The following PBX3 variants were observed in gnomAD, a reference collection of about 807,000 sequenced individuals.
The protein encoded by PBX3 is PBX homeobox 3.
PBX3 carries 14 observed loss-of-function variants against 48.5 expected under a neutral mutation model. That is an observed-to-expected ratio of 0.29 (90% CI 0.19 to 0.45). The LOEUF is 0.45. PBX3 is among the 20% of genes least tolerant of loss of function. The pLI, the probability that PBX3 is intolerant of heterozygous loss-of-function variation, is 1.00. For missense variants in PBX3, 386 were observed against 546.7 expected (o/e 0.71, Z 2.93); for synonymous variants, 210 against 200.3 (o/e 1.05, Z -0.41).
At chr9:125,951,668 C>A (rs560991528) in intron 5 of PBX3, among the ~76,000 whole-genome samples, 2 of 152,128 alleles carry the variant, frequency 1.3e-5, no homozygotes, top group African/African-American at 2.4e-5. Flanking sequence ...TCACAACAGC[C>A]CCATGAGAAG....
intron 5 of PBX3, among the ~76,000 whole-genome samples, chr9:125,959,825 A>C (rs1842388904): frequency 6.6e-6 from 1 of 152,214 alleles, no homozygotes; most frequent in Non-Finnish European, 1.5e-5. Context: ...GTGTGGGTAT[A>C]CTTTCTTATA....
chr9:125,809,428 AT>A (rs58140229), intron 2 of PBX3, among the ~76,000 whole-genome samples: 870 of 136,702 alleles, frequency 6.4e-3, no homozygotes, highest in African/African-American at 0.013. Flanking sequence ...CTCAATGCTG[AT>A]TTTTTTTTTT....
chr9:125,863,069 T>C (rs1839900267), intron 2 of PBX3, among the ~76,000 whole-genome samples: 1 of 151,908 alleles, frequency 6.6e-6, no homozygotes, highest in South Asian at 2.1e-4. Flanking sequence ...AGCTAATTTT[T>C]GTATTTTTTG....
intron 2 of PBX3, among the ~76,000 whole-genome samples, chr9:125,835,933 T>G (rs374289032): frequency 3.9e-5 from 6 of 152,202 alleles, no homozygotes; most frequent in African/African-American, 1.4e-4. Context: ...TAGCAAGATA[T>G]AGAATCAGCC....
At chr9:125,853,013 T>A (rs902740781) in intron 2 of PBX3, among the ~76,000 whole-genome samples, 1 of 152,166 alleles carries the variant, frequency 6.6e-6, no homozygotes, top group Non-Finnish European at 1.5e-5. Flanking sequence ...AATCCATTTC[T>A]CTCTCAGTGT....
chr9:125,795,209 A>G (rs117149532), intron 2 of PBX3, among the ~76,000 whole-genome samples: 62 of 152,250 alleles, frequency 4.1e-4, no homozygotes, highest in Non-Finnish European at 7.8e-4. Context: ...CCAGGTAAAA[A>G]CCTGTGCAGG....
intron 2 of PBX3, 36 bp downstream of exon 2, chr9:125,748,659 C>A (rs369265357): frequency 1.9e-6 from 3 of 1,564,416 alleles, no homozygotes; most frequent in Non-Finnish European, 2.6e-6. Flanking sequence ...CCTGGAGACC[C>A]CCGAGGTGGG....
intron 2 of PBX3, among the ~76,000 whole-genome samples, chr9:125,816,331 C>T (rs991395564): frequency 6.6e-6 from 1 of 152,082 alleles, no homozygotes; most frequent in Admixed American, 6.6e-5. Flanking sequence ...CCTTTACAGT[C>T]CTATCAGAGG....
At chr9:125,890,041 C>T (rs1294211269) in intron 2 of PBX3, among the ~76,000 whole-genome samples, 1 of 152,078 alleles carries the variant, frequency 6.6e-6, no homozygotes, top group East Asian at 1.9e-4. Context: ...GGGTCAGCAC[C>T]CACTGCAAGT....
chr9:125,751,732 T>G (rs371817139), intron 2 of PBX3, among the ~76,000 whole-genome samples: 1 of 152,250 alleles, frequency 6.6e-6, no homozygotes, highest in Non-Finnish European at 1.5e-5. Context: ...ATTGTTGATA[T>G]GTTAAGATTT....
At chr9:125,920,234 A>G (rs1483125227) in intron 3 of PBX3, among the ~76,000 whole-genome samples, 1 of 152,192 alleles carries the variant, frequency 6.6e-6, no homozygotes, top group Non-Finnish European at 1.5e-5. Flanking sequence ...TTTAGCTAAG[A>G]GACAAATCTA....
At chr9:125,875,119 T>C (rs766721729) in intron 2 of PBX3, among the ~76,000 whole-genome samples, 13 of 152,200 alleles carry the variant, frequency 8.5e-5, no homozygotes, top group Admixed American at 8.5e-4. Flanking sequence ...CACTAGAGTT[T>C]CTTTGGGGAT....
intron 2 of PBX3, among the ~76,000 whole-genome samples, chr9:125,902,531 G>C (rs972029215): frequency 6.6e-6 from 1 of 151,620 alleles, no homozygotes; most frequent in Non-Finnish European, 1.5e-5. Flanking sequence ...GCTTGAATCA[G>C]ATACAGATTT....
intron 2 of PBX3, among the ~76,000 whole-genome samples, chr9:125,824,183 A>G (rs1250005903): frequency 6.6e-6 from 1 of 152,216 alleles, no homozygotes; most frequent in Admixed American, 6.5e-5. Context: ...AGCTTTATCA[A>G]TAAAGGATGA....
chr9:125,784,423 C>G (rs977790321), intron 2 of PBX3, among the ~76,000 whole-genome samples: 1 of 152,146 alleles, frequency 6.6e-6, no homozygotes, highest in Non-Finnish European at 1.5e-5. Context: ...GCCACCGCAC[C>G]CAGCCAGGTT....
intron 2 of PBX3, among the ~76,000 whole-genome samples, chr9:125,781,005 G>A (rs1368177326): frequency 2.9e-5 from 3 of 103,918 alleles, no homozygotes; most frequent in Admixed American, 1.0e-4. Flanking sequence ...ATGGGATGGC[G>A]GCCGGGCAGA....
Position 125,747,401 on chromosome 9 carries a change from G to GCCGCCT in PBX3, c.-51_-46dup. On this transcript the variant is annotated 5_prime_UTR_variant, in exon 1 of 9. Transcript: ENST00000373489. ...CTCCCTCGTCGCCGCCGCCGCCGCC[G>GCCGCCT]CCGCCTCAGCCTTCGCCTCAGCCGC... 5 of 854,672 alleles carry GCCGCCT rather than the reference G, an allele frequency of 5.9e-6. No individual in the cohort carries two copies. Among genetic ancestry groups the GCCGCCT allele is most frequent in the Non-Finnish European group, 7.3e-6 (5 of 684,334 alleles). 52.9% of individuals were successfully genotyped at this position (854,672 alleles called of 1,614,324 possible). A position where few individuals can be genotyped will look rare whatever the true frequency, so the allele number is the denominator to read the frequency against.
intron 2 of PBX3, among the ~76,000 whole-genome samples, chr9:125,822,615 A>G (rs1367078646): frequency 6.6e-6 from 1 of 152,182 alleles, no homozygotes; most frequent in African/African-American, 2.4e-5. Context: ...CTCAGACTAC[A>G]CTATTTTTAT....
At chr9:125,965,808 T>C (rs758257762) in intron 8 of PBX3, 23 bp from the exon 9 acceptor site, 2 of 1,582,966 alleles carry the variant, frequency 1.3e-6, no homozygotes, top group Non-Finnish European at 1.7e-6. Flanking sequence ...CGTGCACCCG[T>C]TGAACTGTGT....
Sources: gnomAD v4.1 joint callset for allele counts (sites outside exome capture counted in the v4.1 genomes callset) on GRCh38, gnomAD v4.1.1 for gene constraint, MANE v1.5 for transcripts, NCBI Gene and HGNC (gene_info 2026-07-23, HGNC 2026-07-21) for gene names.